The following SNAP25 variants were observed in gnomAD, a reference collection of about 807,000 sequenced individuals.
SNAP25 encodes the protein synaptosomal-associated protein 25.
In SNAP25, 3 loss-of-function variants were observed where a neutral mutation model predicts 28.7. That is an observed-to-expected ratio of 0.10 (90% CI 0.05 to 0.27). The LOEUF (loss-of-function observed/expected upper bound fraction) is 0.27, where lower values mean the gene tolerates loss of function less well. Among genes scored for constraint, SNAP25 ranks in the 10% least tolerant of loss-of-function variants. SNAP25 has a pLI of 1.00. For missense variants in SNAP25, 117 were observed against 278.7 expected (o/e 0.42, Z 4.13); for synonymous variants, 61 against 88.1 (o/e 0.69, Z 1.72).
intron 1 of SNAP25, among the ~76,000 whole-genome samples, chr20:10,224,645 T>G (rs936862613): frequency 6.6e-6 from 1 of 151,998 alleles, no homozygotes; most frequent in Non-Finnish European, 1.5e-5. Flanking sequence ...ATTCATCGCC[T>G]CCCTCATCCC....
At chr20:10,273,372 A>G (rs1009528105) in intron 1 of SNAP25, among the ~76,000 whole-genome samples, 1 of 152,202 alleles carries the variant, frequency 6.6e-6, no homozygotes, top group African/African-American at 2.4e-5. Context: ...TCAGACATTT[A>G]CTAGTTAGTG....
At chr20:10,240,901 A>G (rs1025846929) in intron 1 of SNAP25, among the ~76,000 whole-genome samples, 1 of 152,164 alleles carries the variant, frequency 6.6e-6, no homozygotes, top group African/African-American at 2.4e-5. Flanking sequence ...CTGGGGAGTG[A>G]TGCGAATGGC....
chr20:10,251,436 G>C (rs572550806), intron 1 of SNAP25, among the ~76,000 whole-genome samples: 2 of 152,196 alleles, frequency 1.3e-5, no homozygotes, highest in African/African-American at 2.4e-5. Flanking sequence ...AATTTTGAAG[G>C]CTGGATGGAA....
intron 1 of SNAP25, among the ~76,000 whole-genome samples, chr20:10,248,943 G>C (rs1247881373): frequency 6.6e-6 from 1 of 152,268 alleles, no homozygotes; most frequent in South Asian, 2.1e-4. Flanking sequence ...AATAACTCTG[G>C]TCACAGCAGT....
At chr20:10,229,924 C>T (rs184256728) in intron 1 of SNAP25, among the ~76,000 whole-genome samples, 11 of 152,216 alleles carry the variant, frequency 7.2e-5, no homozygotes, top group Non-Finnish European at 1.2e-4. Flanking sequence ...AAGATTACAA[C>T]CAGCAACCAG....
chr20:10,232,756 G>T (rs1007159491), intron 1 of SNAP25, among the ~76,000 whole-genome samples: 6 of 152,168 alleles, frequency 3.9e-5, no homozygotes, highest in African/African-American at 1.4e-4. Flanking sequence ...GTTAAAGAAT[G>T]CAGGATAGAG....
At chr20:10,299,543 C>T in intron 7 of SNAP25, 131 bp downstream of exon 7, 1 of 923,638 alleles carries the variant, frequency 1.1e-6, no homozygotes, top group Non-Finnish European at 1.6e-6. Context: ...TGGAAATGTT[C>T]TTCATTTTCC....
chr20:10,277,661 G>A, intron 2 of SNAP25, 24 bp from the exon 3 acceptor site: 1 of 1,609,498 alleles, frequency 6.2e-7, no homozygotes, highest in Non-Finnish European at 8.5e-7. Context: ...TAAAGTTTAT[G>A]TTTGTTTGTT....
At chr20:10,239,355 G>A (rs2062982527) in intron 1 of SNAP25, among the ~76,000 whole-genome samples, 2 of 152,328 alleles carry the variant, frequency 1.3e-5, no homozygotes, top group South Asian at 4.1e-4. Flanking sequence ...GTGCTCTGAA[G>A]ACAAATAAAG....
intron 1 of SNAP25, among the ~76,000 whole-genome samples, chr20:10,235,722 A>C (rs2062906468): frequency 6.6e-6 from 1 of 152,180 alleles, no homozygotes; most frequent in Non-Finnish European, 1.5e-5. Flanking sequence ...GATTGGCTGG[A>C]GCCTGCTTGG....
intron 1 of SNAP25, among the ~76,000 whole-genome samples, chr20:10,265,973 G>A (rs1448390744): frequency 6.6e-6 from 1 of 152,092 alleles, no homozygotes; most frequent in African/African-American, 2.4e-5. Context: ...AAGGTTTGGG[G>A]GTTTCTATAT....
At chr20:10,239,532 C>T (rs984855580) in intron 1 of SNAP25, among the ~76,000 whole-genome samples, 2 of 152,192 alleles carry the variant, frequency 1.3e-5, no homozygotes, top group Non-Finnish European at 2.9e-5. Flanking sequence ...GGTGTACAAG[C>T]AGGGGAGAAT....
intron 1 of SNAP25, among the ~76,000 whole-genome samples, chr20:10,241,198 G>A (rs538498187): frequency 6.6e-6 from 1 of 152,214 alleles, no homozygotes; most frequent in African/African-American, 2.4e-5. Context: ...AGGGCAGGGT[G>A]GGTGCAGTGG....
In SNAP25 at chr20:10,284,712, A is replaced by G. The variant is rs774171317; in HGVS notation, c.115-12A>G. 8 of 1,609,508 alleles carry G rather than the reference A, an allele frequency of 5.0e-6. No individual in the cohort carries two copies. The highest frequency in any genetic ancestry group is 1.8e-4 in the Middle Eastern group (1 of 5,616). On this transcript the variant is annotated splice_polypyrimidine_tract_variant and intron_variant, in intron 3 of 7. Transcript: ENST00000254976. ...ACTCCTTTTCAACTTTGCTACCATT[A>G]TTGGAATGTAGAGTAAAGATGCTGG...
chr20:10,288,821 C>T (rs2063936047), intron 4 of SNAP25, among the ~76,000 whole-genome samples: 1 of 150,130 alleles, frequency 6.7e-6, no homozygotes, highest in South Asian at 2.1e-4. Context: ...GAACTTAGGA[C>T]CTTTTTTTTT....
At chr20:10,286,476 A>G (rs1351530959) in intron 4 of SNAP25, among the ~76,000 whole-genome samples, 2 of 152,182 alleles carry the variant, frequency 1.3e-5, no homozygotes, top group South Asian at 2.1e-4. Flanking sequence ...GGCCAGGCCA[A>G]TGGGGAGCCC....
chr20:10,225,721 A>G (rs2062724078), intron 1 of SNAP25, among the ~76,000 whole-genome samples: 1 of 152,074 alleles, frequency 6.6e-6, no homozygotes, highest in South Asian at 2.1e-4. Flanking sequence ...GAAAAAGGTT[A>G]TTTTCCTCCA....
chr20:10,290,917 C>T (rs2063983689), intron 4 of SNAP25, among the ~76,000 whole-genome samples: 1 of 151,976 alleles, frequency 6.6e-6, no homozygotes, highest in Admixed American at 6.5e-5. Context: ...GAGTTCCTTT[C>T]CCCACACCAG....
At chr20:10,247,177 A>G (rs1388765502) in intron 1 of SNAP25, among the ~76,000 whole-genome samples, 1 of 152,206 alleles carries the variant, frequency 6.6e-6, no homozygotes, top group Non-Finnish European at 1.5e-5. Flanking sequence ...TACTTCTTAA[A>G]GGATTTGGGA....
Sources: gnomAD v4.1 joint callset for allele counts (sites outside exome capture counted in the v4.1 genomes callset) on GRCh38, gnomAD v4.1.1 for gene constraint, MANE v1.5 for transcripts, NCBI Gene and HGNC (gene_info 2026-07-23, HGNC 2026-07-21) for gene names.